Variants in UGT1A10 observed in about 807,000 individuals in gnomAD.
UGT1A10 encodes UDP glucuronosyltransferase family 1 member A10.
Under a neutral mutation model 45.8 loss-of-function variants are expected in UGT1A10, and 49 were observed. The ratio of observed to expected loss-of-function variants is 1.07; its 90% CI spans 0.85 to 1.36. The LOEUF (loss-of-function observed/expected upper bound fraction) is 1.36, where lower values mean the gene tolerates loss of function less well. UGT1A10 is among the 40% of genes most tolerant of loss of function. UGT1A10 has a pLI of 0.00. For missense variants in UGT1A10, 745 were observed against 668.6 expected (o/e 1.11, Z -1.26); for synonymous variants, 284 against 249.7 (o/e 1.14, Z -1.29).
chr2:233,743,058 A>G lies in UGT1A10; in HGVS notation c.856-23976A>G, dbSNP rs79897461. ...GTCCTATCCGTGTAGTCCCAACGAT[A>G]AGAACAGGTGTTGGCATGAAGTGTT... On this transcript the variant is annotated intron_variant, in intron 1 of 4. Coordinates refer to ENST00000344644, the MANE Select transcript of UGT1A10 (RefSeq NM_019075.4). The G allele has an allele frequency of 7.7e-5, 25 of 325,552 alleles. No homozygotes were observed. The East Asian group carries it at 1.9e-3, about 25-fold the overall frequency. The allele number at this position is 325,552 out of a possible 1,614,324, so 20.2% of individuals were successfully genotyped here. A position where few individuals can be genotyped will look rare whatever the true frequency, so the allele number is the denominator to read the frequency against.
At chr2:233,743,546 C>A (rs1478983840) in intron 1 of UGT1A10, 1 of 1,367,310 alleles carries the variant, frequency 7.3e-7, no homozygotes, top group African/African-American at 1.5e-5. Context: ...CTCTGACCCC[C>A]CCAAAATATT....
intron 1 of UGT1A10, among the ~76,000 whole-genome samples, chr2:233,759,584 C>T (rs1003659930): frequency 4.0e-5 from 6 of 149,692 alleles, no homozygotes; most frequent in Non-Finnish European, 3.0e-5. Flanking sequence ...TACCCCAGCA[C>T]GCCCCCCACC....
intron 1 of UGT1A10, among the ~76,000 whole-genome samples, chr2:233,678,117 G>T (rs1423085538): frequency 1.3e-5 from 2 of 152,098 alleles, no homozygotes; most frequent in Non-Finnish European, 2.9e-5. Context: ...GCTAAATAGT[G>T]GGTACTTTTG....
At chr2:233,655,050 C>A (rs572089234) in intron 1 of UGT1A10, among the ~76,000 whole-genome samples, 1 of 152,136 alleles carries the variant, frequency 6.6e-6, no homozygotes, top group African/African-American at 2.4e-5. Flanking sequence ...GATCATACCA[C>A]TGCACTCCAG....
chr2:233,638,089 G>A (rs970501218), intron 1 of UGT1A10, among the ~76,000 whole-genome samples: 4 of 152,094 alleles, frequency 2.6e-5, no homozygotes, highest in African/African-American at 9.7e-5. Context: ...GTAGACTAGA[G>A]TCCTACACGT....
intron 1 of UGT1A10, among the ~76,000 whole-genome samples, chr2:233,761,362 C>T (rs1697754061): frequency 6.6e-6 from 1 of 152,198 alleles, no homozygotes. Flanking sequence ...GAAAGCATTC[C>T]TTGGACATTT....
At chr2:233,658,081 C>T (rs1185543154) in intron 1 of UGT1A10, among the ~76,000 whole-genome samples, 1 of 147,954 alleles carries the variant, frequency 6.8e-6, no homozygotes, top group Non-Finnish European at 1.5e-5. Flanking sequence ...TGCAGTGGGG[C>T]AATCTTGGCT....
intron 1 of UGT1A10, chr2:233,693,536 C>A: frequency 6.2e-7 from 1 of 1,614,160 alleles, no homozygotes; most frequent in Admixed American, 1.7e-5. Flanking sequence ...TCCGTGTTCC[C>A]TGGAGCATAC....
intron 1 of UGT1A10, among the ~76,000 whole-genome samples, chr2:233,688,900 G>C (rs970551522): frequency 4.6e-5 from 7 of 152,256 alleles, no homozygotes; most frequent in African/African-American, 1.2e-4. Context: ...GGAGAAGTTG[G>C]GGGGATGGTG....
At chr2:233,720,640 G>A (rs1212393027) in intron 1 of UGT1A10, among the ~76,000 whole-genome samples, 3 of 151,716 alleles carry the variant, frequency 2.0e-5, no homozygotes, top group Non-Finnish European at 4.4e-5. Context: ...TAGTACTCTG[G>A]GATGTGAAAA....
intron 1 of UGT1A10, among the ~76,000 whole-genome samples, chr2:233,688,811 G>A (rs1196099395): frequency 6.6e-6 from 1 of 152,140 alleles, no homozygotes; most frequent in Non-Finnish European, 1.5e-5. Flanking sequence ...GCTACAAACT[G>A]TGAAACATAC....
intron 1 of UGT1A10, among the ~76,000 whole-genome samples, chr2:233,685,748 C>T (rs569511404): frequency 6.6e-6 from 1 of 152,214 alleles, no homozygotes; most frequent in African/African-American, 2.4e-5. Flanking sequence ...TTTTTTCTTC[C>T]ATTTTAAAGA....
At chr2:233,697,058 G>T (rs1287604858) in intron 1 of UGT1A10, among the ~76,000 whole-genome samples, 1 of 151,826 alleles carries the variant, frequency 6.6e-6, no homozygotes, top group Non-Finnish European at 1.5e-5. Context: ...TTGTGTCCTT[G>T]TCTGGTTTTG....
At chr2:233,658,438 A>T (rs1436421851) in intron 1 of UGT1A10, among the ~76,000 whole-genome samples, 1 of 152,118 alleles carries the variant, frequency 6.6e-6, no homozygotes, top group African/African-American at 2.4e-5. Context: ...TTTTTACCTA[A>T]TGTCCTTTTT....
At chr2:233,674,686 T>C (rs535111812) in intron 1 of UGT1A10, among the ~76,000 whole-genome samples, 3 of 152,328 alleles carry the variant, frequency 2.0e-5, no homozygotes, top group African/African-American at 7.2e-5. Context: ...TATGTGTCTA[T>C]TAAAGAATAT....
At chr2:233,737,836 G>A (rs1690606098) in intron 1 of UGT1A10, among the ~76,000 whole-genome samples, 1 of 151,904 alleles carries the variant, frequency 6.6e-6, no homozygotes, top group African/African-American at 2.4e-5. Flanking sequence ...TGGGAACTGT[G>A]GCACAGGTCA....
intron 1 of UGT1A10, among the ~76,000 whole-genome samples, chr2:233,639,930 T>A (rs2018609): frequency 3.3e-5 from 5 of 151,870 alleles, no homozygotes; most frequent in Admixed American, 6.6e-5. Flanking sequence ...GAAGTCACTC[T>A]TAGTCTCTTT....
chr2:233,648,702 G>A (rs2073665638), intron 1 of UGT1A10: 2 of 402,054 alleles, frequency 5.0e-6, no homozygotes, highest in Non-Finnish European at 9.4e-6. Flanking sequence ...CTAACCTCGT[G>A]ATCCGCCCGC....
At position 233,769,327 on chromosome 2, in the gene UGT1A10, G is replaced by C. The variant is rs1477763656; in HGVS notation, c.1295+888G>C. The stretch of plus-strand genomic sequence containing the variant: ...TTACTGTCAAGCTCACTGGTAATAG[G>C]CTTATTAGAACCTTATGGGAAGAAG... On this transcript the variant is annotated intron_variant, in intron 4 of 4. Transcript: ENST00000344644. The surrounding 1 kb of genome is among the most constrained non-coding windows in gnomAD (Gnocchi z 4.4). 6.6e-6 allele frequency among the ~76,000 whole-genome samples: 1 copy of C among 152,234 alleles called. No homozygotes were observed. The highest frequency in any genetic ancestry group is 1.5e-5 in the Non-Finnish European group (1 of 68,042).
Sources: gnomAD v4.1 joint callset for allele counts (sites outside exome capture counted in the v4.1 genomes callset) on GRCh38, gnomAD v4.1.1 for gene constraint, Gnocchi (gnomAD v3.1) non-coding constraint, MANE v1.5 for transcripts, NCBI Gene and HGNC (gene_info 2026-07-23, HGNC 2026-07-21) for gene names.